The following RFTN2 variants were observed in gnomAD, a reference collection of about 807,000 sequenced individuals.
RFTN2 encodes the protein raftlin-2.
In RFTN2, 34 loss-of-function variants were observed where a neutral mutation model predicts 52.7. That is an observed-to-expected ratio of 0.64 (90% CI 0.49 to 0.86). RFTN2 has a LOEUF of 0.86. Among genes scored for constraint, RFTN2 ranks in the 40% least tolerant of loss-of-function variants. RFTN2 has a pLI of 0.00. For synonymous variants in RFTN2, 203 were observed against 217.7 expected (o/e 0.93, Z 0.59); for missense variants, 536 against 600.1 (o/e 0.89, Z 1.12).
intron 1 of RFTN2, among the ~76,000 whole-genome samples, chr2:197,664,728 T>C (rs1230611780): frequency 1.3e-5 from 2 of 152,098 alleles, no homozygotes; most frequent in African/African-American, 4.8e-5. Flanking sequence ...AAGGTTGCAG[T>C]GATCCATGAT....
At chr2:197,653,931 A>C (rs1049051626) in intron 1 of RFTN2, among the ~76,000 whole-genome samples, 1 of 152,194 alleles carries the variant, frequency 6.6e-6, no homozygotes, top group African/African-American at 2.4e-5. Flanking sequence ...TTTTAAGCAA[A>C]ATAAATTTAT....
At chr2:197,663,474 G>A (rs1414847305) in intron 1 of RFTN2, among the ~76,000 whole-genome samples, 1 of 152,086 alleles carries the variant, frequency 6.6e-6, no homozygotes, top group Non-Finnish European at 1.5e-5. Flanking sequence ...TCTTTGTTGG[G>A]AGACTTTTCA....
chr2:197,605,055 CGT>C (rs1241683191), intron 7 of RFTN2, among the ~76,000 whole-genome samples: 1 of 152,066 alleles, frequency 6.6e-6, no homozygotes, highest in Non-Finnish European at 1.5e-5. Flanking sequence ...CCACACCCAG[CGT>C]GTGTTTTATG....
chr2:197,600,837 C>T (rs188133635), intron 7 of RFTN2, among the ~76,000 whole-genome samples: 8 of 152,166 alleles, frequency 5.3e-5, no homozygotes, highest in Non-Finnish European at 1.0e-4. Context: ...CTTTAATGGA[C>T]AGTCATGCTT....
chr2:197,605,664 G>A (rs938453240), intron 7 of RFTN2, among the ~76,000 whole-genome samples: 2 of 152,086 alleles, frequency 1.3e-5, no homozygotes, highest in Non-Finnish European at 2.9e-5. Context: ...TGCAACGTCC[G>A]CTCCCATGCA....
At chr2:197,647,650 G>A (rs2088772100) in intron 1 of RFTN2, among the ~76,000 whole-genome samples, 1 of 152,148 alleles carries the variant, frequency 6.6e-6, no homozygotes, top group Non-Finnish European at 1.5e-5. Context: ...AAGTTTATCT[G>A]GGAAGCTAAA....
intron 1 of RFTN2, among the ~76,000 whole-genome samples, chr2:197,673,321 C>T (rs550846787): frequency 4.6e-5 from 7 of 152,190 alleles, no homozygotes; most frequent in East Asian, 3.9e-4. Context: ...GAGTGGCAGC[C>T]GGAGGTCAGA....
At chr2:197,605,257 CT>C (rs1292356608) in intron 7 of RFTN2, among the ~76,000 whole-genome samples, 1 of 151,210 alleles carries the variant, frequency 6.6e-6, no homozygotes, top group Admixed American at 6.6e-5. Flanking sequence ...CTGGCTCTGT[CT>C]TCCCAGGCTA....
At chr2:197,582,143 G>T (rs1426133232) in intron 8 of RFTN2, among the ~76,000 whole-genome samples, 1 of 152,028 alleles carries the variant, frequency 6.6e-6, no homozygotes, top group East Asian at 1.9e-4. Flanking sequence ...GGTTGCTGTT[G>T]CCCTAATACT....
At chr2:197,603,414 G>C (rs1284752599) in intron 7 of RFTN2, among the ~76,000 whole-genome samples, 1 of 152,176 alleles carries the variant, frequency 6.6e-6, no homozygotes, top group Non-Finnish European at 1.5e-5. Flanking sequence ...ATTGCAGCAT[G>C]CATAACAAAT....
intron 7 of RFTN2, among the ~76,000 whole-genome samples, chr2:197,604,702 T>C (rs998232077): frequency 6.6e-6 from 1 of 152,264 alleles, no homozygotes; most frequent in African/African-American, 2.4e-5. Context: ...ACACAGGTCT[T>C]TGTGCATAAT....
At chr2:197,591,723 C>T (rs1365716039) in intron 8 of RFTN2, among the ~76,000 whole-genome samples, 2 of 152,094 alleles carry the variant, frequency 1.3e-5, no homozygotes, top group African/African-American at 2.4e-5. Flanking sequence ...AGCTAAGACC[C>T]GGTGAAAAAT....
intron 7 of RFTN2, among the ~76,000 whole-genome samples, chr2:197,611,527 G>T (rs1052133041): frequency 4.6e-5 from 7 of 152,058 alleles, no homozygotes; most frequent in Admixed American, 3.3e-4. Flanking sequence ...TCTGGCTAGT[G>T]GTCTATGTAT....
chr2:197,662,963 T>C lies in RFTN2; in HGVS notation c.139+12357A>G, dbSNP rs574947190. ...TTTCCTCAGTGTTTTGTAGTTTTCT[T>C]GTAGTTGTGGGTTTGTCATATATGG... On this transcript the variant is annotated intron_variant, in intron 1 of 8. Coordinates refer to ENST00000295049, the MANE Select transcript of RFTN2 (RefSeq NM_144629.3). 2.0e-5 allele frequency among the ~76,000 whole-genome samples: 3 copies of C among 152,178 alleles called. No homozygotes were observed. In the East Asian group the frequency reaches 5.8e-4, roughly 29 times the overall value.
chr2:197,642,695 G>T (rs375184877), intron 3 of RFTN2, among the ~76,000 whole-genome samples: 3 of 152,112 alleles, frequency 2.0e-5, no homozygotes, highest in East Asian at 1.9e-4. Context: ...AATAAAATGG[G>T]ATTTATGGCC....
At chr2:197,575,164 T>A (rs1173623562) in intron 8 of RFTN2, among the ~76,000 whole-genome samples, 2 of 152,132 alleles carry the variant, frequency 1.3e-5, no homozygotes, top group African/African-American at 2.4e-5. Context: ...AAAGGGGTGT[T>A]CCCCTGCATG....
intron 5 of RFTN2, among the ~76,000 whole-genome samples, chr2:197,619,320 A>G (rs929184947): frequency 7.2e-5 from 11 of 152,192 alleles, no homozygotes; most frequent in Non-Finnish European, 1.2e-4. Context: ...GGTGGGGAAA[A>G]GATTGAGAAA....
At chr2:197,641,806 C>T (rs191041773) in intron 3 of RFTN2, among the ~76,000 whole-genome samples, 90 of 152,284 alleles carry the variant, frequency 5.9e-4, no homozygotes, top group South Asian at 6.2e-4. Context: ...TGTTCATACC[C>T]GGAGCAATGC....
chr2:197,585,949 T>G (rs1486058932), intron 8 of RFTN2, among the ~76,000 whole-genome samples: 1 of 152,196 alleles, frequency 6.6e-6, no homozygotes, highest in Non-Finnish European at 1.5e-5. Flanking sequence ...GGCTGCTCCT[T>G]TTTGTATCTC....
Sources: allele counts gnomAD v4.1 joint callset (sites outside exome capture counted in the v4.1 genomes callset), GRCh38; gene constraint gnomAD v4.1.1; transcripts MANE v1.5; gene names NCBI Gene and HGNC (gene_info 2026-07-23, HGNC 2026-07-21).